Variants in FRMD1 observed in about 807,000 individuals in gnomAD.
FRMD1 encodes the protein FERM domain containing 1.
FRMD1 carries 51 observed loss-of-function variants against 54.9 expected under a neutral mutation model. The observed-to-expected ratio is 0.93, with a 90% CI of 0.74 to 1.17. The LOEUF (loss-of-function observed/expected upper bound fraction) is 1.17, where lower values mean the gene tolerates loss of function less well. Ranked by LOEUF, FRMD1 falls within the 50% of genes most tolerant of loss-of-function variation. The probability of loss-of-function intolerance (pLI) is 0.00; values close to 1 mark genes in which losing one functional copy is unlikely to be tolerated. For synonymous variants in FRMD1, 324 were observed against 306.4 expected (o/e 1.06, Z -0.60); for missense variants, 729 against 743.0 (o/e 0.98, Z 0.22).
At chr6:168,068,106 C>G (rs1192371383) in intron 2 of FRMD1, among the ~76,000 whole-genome samples, 1 of 152,116 alleles carries the variant, frequency 6.6e-6, no homozygotes, top group Non-Finnish European at 1.5e-5. Flanking sequence ...GAGTGTGACC[C>G]TGCCTCAAAC....
rs140729478 is a variant in FRMD1, at chr6:168,060,829, T to G, written c.1274A>C (p.His425Pro). Residue 425 changes from histidine to proline, a missense_variant, in exon 9 of 11, where the codon CAT (histidine) becomes CCT (proline). Transcript: ENST00000283309. ...VDVPLEVHGL[H>P]EKEPSSSPRT... ...GGGGCTGGAGGACGGCTCCTTCTCA[T>G]GGAGCCCGTGGACCTCCAAGGGCAC... 2.0e-5 allele frequency: 33 copies of G among 1,613,392 alleles called. No homozygotes were observed. The African/African-American group carries it at 3.6e-4, about 18-fold the overall frequency.
chr6:168,079,594 C>T (rs541832693), upstream of FRMD1, among the ~76,000 whole-genome samples: 1 of 152,298 alleles, frequency 6.6e-6, no homozygotes, highest in South Asian at 2.1e-4. Flanking sequence ...GGGTGGGCAC[C>T]CTGCCCCACA....
intron 1 of FRMD1, among the ~76,000 whole-genome samples, chr6:168,086,882 C>T (rs1800930839): frequency 6.6e-6 from 1 of 152,228 alleles, no homozygotes; most frequent in Non-Finnish European, 1.5e-5. Flanking sequence ...ACCTGTTAGC[C>T]AGGACCTTTG....
chr6:168,091,226 C>A (rs35453512), intron 1 of FRMD1, among the ~76,000 whole-genome samples: 2 of 152,000 alleles, frequency 1.3e-5, no homozygotes, highest in African/African-American at 4.8e-5. Flanking sequence ...CCAAGGAGCC[C>A]CGGGGCTGGA....
In FRMD1 at chr6:168,061,165, G is replaced by A. The variant is rs112915541; in HGVS notation, c.1046-108C>T. 1,627 of 1,141,584 alleles carry A rather than the reference G, an allele frequency of 1.4e-3. 22 individuals are homozygous for A. In the African/African-American group the frequency reaches 0.023, roughly 16 times the overall value. The allele number at this position is 1,141,584 out of a possible 1,614,324, so 70.7% of individuals were successfully genotyped here. On this transcript the variant is annotated intron_variant, in intron 8 of 10. Transcript: ENST00000283309. ...AAATGCACACCCACAGCCCAGATGAGGACGTGGAACAGGCAGGGAGACCAG... is the reference window on the plus strand; with the variant it reads ...AAATGCACACCCACAGCCCAGATGAAGACGTGGAACAGGCAGGGAGACCAG...
intron 1 of FRMD1, among the ~76,000 whole-genome samples, chr6:168,077,644 C>T (rs1440918223): frequency 2.0e-5 from 3 of 152,238 alleles, no homozygotes; most frequent in Admixed American, 1.3e-4. Flanking sequence ...CAGGGAGCTC[C>T]GTCAAAAGCA....
rs1205139168 is a variant in FRMD1, at chr6:168,079,115, C to T, written c.-21G>A. On this transcript the variant is annotated 5_prime_UTR_variant, in exon 1 of 11. Transcript: ENST00000283309. ...GCCATGCTGTCGTTACTCGGCCCTC[C>T]CCCGCCATGGGTCGCAGGTGGGTGC... 2 of 1,574,514 alleles carry T rather than the reference C, an allele frequency of 1.3e-6. No homozygotes were observed. The highest frequency in any genetic ancestry group is 2.7e-5 in the African/African-American group (2 of 74,206).
Position 168,089,915 on chromosome 6 carries a change from G to A in FRMD1, c.-11-10891C>T, listed in dbSNP as rs371848965. ...TGGCGCTGGTGGTGCCCTGTCATCC[G>A]TTTATTTAAGGGACGTGCTGCCCTC... On this transcript the variant is annotated intron_variant, in intron 1 of 12. Coordinates refer to the FRMD1 transcript ENST00000644440. Among the ~76,000 whole-genome samples, 87 of 152,306 alleles carry A rather than the reference G, an allele frequency of 5.7e-4. 1 individual carries two copies. The highest frequency in any genetic ancestry group is 1.7e-3 in the African/African-American group (70 of 41,566).
At chr6:168,062,360 A>G (rs1312103164) in intron 7 of FRMD1, among the ~76,000 whole-genome samples, 3 of 152,204 alleles carry the variant, frequency 2.0e-5, no homozygotes, top group Admixed American at 6.5e-5. Flanking sequence ...GGCCGGGATG[A>G]GAGGAACAGA....
At position 168,060,849 on chromosome 6, in the gene FRMD1, G is replaced by A. The variant is rs1225131892; in HGVS notation, c.1254C>T (p.Pro418=). ...TCTCATGGAGCCCGTGGACCTCCAA[G>A]GGCACGTCCACAGACATCTCTCTGG... The part of the protein sequence containing the change: ...RESREMSVDV[P]LEVHGLHEKE... Residue 418 remains proline (P), a synonymous_variant, in exon 9 of 11, where the codon CCC becomes CCT. Transcript: ENST00000283309. The A allele has an allele frequency of 6.2e-7, 1 of 1,613,584 alleles. No homozygotes were observed. Among genetic ancestry groups the A allele is most frequent in the African/African-American group, 1.3e-5 (1 of 74,950 alleles).
intron 1 of FRMD1, 60 bp downstream of exon 1, chr6:168,078,822 G>A (rs6942370): frequency 0.016 from 17,263 of 1,092,940 alleles, 412 homozygotes; most frequent in Admixed American, 0.12. Context: ...ACGGCCACCC[G>A]GAGCCCTGCT....
intron 1 of FRMD1, among the ~76,000 whole-genome samples, chr6:168,076,538 T>A (rs1800602840): frequency 6.6e-6 from 1 of 152,132 alleles, no homozygotes; most frequent in South Asian, 2.1e-4. Flanking sequence ...GATCTGATGG[T>A]TTTATAAGGC....
chr6:168,078,536 C>CATACCCCTGCTCACCCT (rs1800691489), intron 1 of FRMD1, among the ~76,000 whole-genome samples: 1 of 147,534 alleles, frequency 6.8e-6, no homozygotes, highest in African/African-American at 2.5e-5. Flanking sequence ...CTGCTCACCC[C>CATACCCCTGCTCACCCT]CACGGCCCTG....
chr6:168,086,881 C>A (rs976144982), intron 1 of FRMD1, among the ~76,000 whole-genome samples: 12 of 152,216 alleles, frequency 7.9e-5, no homozygotes, highest in African/African-American at 2.9e-4. Flanking sequence ...CACCTGTTAG[C>A]CAGGACCTTT....
chr6:168,078,766 AGGGCCCTGCTCACCCCCACGGCCACCC>A, intron 1 of FRMD1, 89 bp downstream of exon 1: 1 of 78,394 alleles, frequency 1.3e-5, no homozygotes, highest in Non-Finnish European at 1.9e-5. Flanking sequence ...AAGGCCATCC[AGGGCCCTGCTCACCCCCACGGCCACCC>A]AGGGCCCTGC....
chr6:168,091,675 C>T (rs530121415), intron 1 of FRMD1, among the ~76,000 whole-genome samples: 2 of 152,352 alleles, frequency 1.3e-5, no homozygotes, highest in Admixed American at 1.3e-4. Context: ...GCCCAGGGAC[C>T]CTGAGAACAC....
chr6:168,091,482 C>T (rs1213062828), intron 1 of FRMD1, among the ~76,000 whole-genome samples: 9 of 152,228 alleles, frequency 5.9e-5, no homozygotes, highest in African/African-American at 1.7e-4. Context: ...CTGGGGACTC[C>T]GTGGCCTCGG....
chr6:168,065,138 A>G, intron 4 of FRMD1, 81 bp from the exon 5 acceptor site: 2 of 1,500,284 alleles, frequency 1.3e-6, no homozygotes, highest in Non-Finnish European at 1.8e-6. Context: ...GTCCCTCCCC[A>G]CACCAGCTCC....
intron 1 of FRMD1, among the ~76,000 whole-genome samples, chr6:168,090,159 C>G (rs550163570): frequency 1.3e-5 from 2 of 152,116 alleles, no homozygotes; most frequent in Non-Finnish European, 2.9e-5. Flanking sequence ...CCCTGGTTGG[C>G]TCGTCTCCCT....
Sources: allele counts gnomAD v4.1 joint callset (sites outside exome capture counted in the v4.1 genomes callset), GRCh38; gene constraint gnomAD v4.1.1; transcripts MANE v1.5; gene names NCBI Gene and HGNC (gene_info 2026-07-23, HGNC 2026-07-21).